The following RAB27A variants were observed in gnomAD, a reference collection of about 807,000 sequenced individuals.
RAB27A encodes RAB27A, member RAS oncogene family.
RAB27A carries 17 observed loss-of-function variants against 20.8 expected under a neutral mutation model. The ratio of observed to expected loss-of-function variants is 0.82; its 90% CI spans 0.56 to 1.23. The LOEUF is 1.23. RAB27A is among the 50% of genes most tolerant of loss of function. The pLI is 0.00. For missense variants in RAB27A, 277 were observed against 266.7 expected, an observed-to-expected ratio of 1.04 and a Z score of -0.27; for synonymous variants, 85 against 92.8, an observed-to-expected ratio of 0.92 and a Z score of 0.48.
rs1895786095 is a variant in RAB27A, at chr15:55,226,139, A to C, written c.344-2127T>G. Among the ~76,000 whole-genome samples the C allele has an allele frequency of 3.3e-5, 5 of 152,330 alleles. No homozygotes were observed. The South Asian group carries it at 1.0e-3, about 32-fold the overall frequency. ...AGTTTAGAAATGTAGGCTACTTTAA[A>C]GTTTCCTTAGGAAACACACTAGCAC... On this transcript the variant is annotated intron_variant, in intron 5 of 6. Transcript: ENST00000336787.
intron 2 of RAB27A, among the ~76,000 whole-genome samples, chr15:55,262,546 A>G (rs1897311465): frequency 1.7e-4 from 1 of 5,744 alleles, no homozygotes; most frequent in Non-Finnish European, 4.8e-4. Context: ...TGACTCAAAG[A>G]AAAAAAAAAA....
chr15:55,261,879 G>T (rs1335392715), intron 2 of RAB27A, among the ~76,000 whole-genome samples: 2 of 150,860 alleles, frequency 1.3e-5, no homozygotes, highest in Non-Finnish European at 3.0e-5. Flanking sequence ...CTCTACTAAA[G>T]ATACAAAATT....
Position 55,249,626 on chromosome 15 carries a change from G to C in RAB27A, c.-22-14670C>G, listed in dbSNP as rs74247117. ...TTCCACGATTATGTGAAAACAATCT[G>C]TACACCCTGTTAGTTGGATGCAAAA... On this transcript the variant is annotated intron_variant, in intron 2 of 6. Coordinates refer to ENST00000336787, the MANE Select transcript of RAB27A (RefSeq NM_183235.3). 3.9e-5 allele frequency among the ~76,000 whole-genome samples: 6 copies of C among 152,254 alleles called. No individual in the cohort carries two copies. The East Asian group carries it at 7.7e-4, about 20-fold the overall frequency.
chr15:55,219,095 A>T (rs911729410), intron 6 of RAB27A, among the ~76,000 whole-genome samples: 1 of 152,158 alleles, frequency 6.6e-6, no homozygotes, highest in African/African-American at 2.4e-5. Flanking sequence ...TCAAGAACAA[A>T]GGCTTATTAT....
intron 2 of RAB27A, among the ~76,000 whole-genome samples, chr15:55,253,283 C>T (rs547575257): frequency 2.0e-5 from 3 of 151,684 alleles, no homozygotes; most frequent in South Asian, 4.2e-4. Flanking sequence ...CCCATCTCTA[C>T]TAAAAATACA....
intron 6 of RAB27A, among the ~76,000 whole-genome samples, chr15:55,219,882 C>T (rs1895482820): frequency 6.6e-6 from 1 of 151,992 alleles, no homozygotes; most frequent in Non-Finnish European, 1.5e-5. Context: ...ACAGAGATCA[C>T]TTTGATTTGT....
chr15:55,249,827 T>A (rs964626141), intron 2 of RAB27A, among the ~76,000 whole-genome samples: 1 of 152,186 alleles, frequency 6.6e-6, no homozygotes. Context: ...TAAAGCATAA[T>A]AAAAGAACAA....
At chr15:55,295,445 G>A (rs924416517) in intron 2 of RAB27A, among the ~76,000 whole-genome samples, 1 of 152,134 alleles carries the variant, frequency 6.6e-6, no homozygotes, top group African/African-American at 2.4e-5. Flanking sequence ...CAGAACTGGA[G>A]ACAAATGGCC....
intron 5 of RAB27A, among the ~76,000 whole-genome samples, chr15:55,226,989 A>G (rs1215158158): frequency 2.0e-5 from 3 of 152,172 alleles, no homozygotes; most frequent in African/African-American, 7.2e-5. Context: ...TTAAGATTTG[A>G]TATTACCACT....
chr15:55,235,581 T>C (rs1006892125), intron 2 of RAB27A, among the ~76,000 whole-genome samples: 3 of 152,072 alleles, frequency 2.0e-5, no homozygotes, highest in Admixed American at 1.3e-4. Flanking sequence ...CTGTAGACCA[T>C]ATAGAACAAA....
chr15:55,227,102 A>C (rs1473251556), intron 5 of RAB27A, among the ~76,000 whole-genome samples: 1 of 152,200 alleles, frequency 6.6e-6, no homozygotes, highest in Non-Finnish European at 1.5e-5. Context: ...TTCTTTACCT[A>C]ACTGAGCAAT....
intron 5 of RAB27A, among the ~76,000 whole-genome samples, chr15:55,227,235 C>G (rs1363787622): frequency 6.6e-6 from 1 of 152,176 alleles, no homozygotes; most frequent in African/African-American, 2.4e-5. Context: ...TCTAATGTCT[C>G]AGAGTTTTAG....
intron 2 of RAB27A, among the ~76,000 whole-genome samples, chr15:55,303,940 C>T (rs1336094421): frequency 6.7e-6 from 1 of 148,910 alleles, no homozygotes; most frequent in Non-Finnish European, 1.5e-5. Flanking sequence ...CTCTGCCCGG[C>T]CACCACCCTG....
At chr15:55,241,133 A>G (rs916217117) in intron 2 of RAB27A, among the ~76,000 whole-genome samples, 7 of 152,214 alleles carry the variant, frequency 4.6e-5, no homozygotes, top group South Asian at 4.1e-4. Context: ...TCCTAGAAGT[A>G]TAAGAAAGTA....
rs937317821 is a variant in RAB27A at position 55,262,316 on chromosome 15, C to T, written c.-23+7849G>A. 4.6e-5 allele frequency among the ~76,000 whole-genome samples: 7 copies of T among 151,930 alleles called. No homozygotes were observed. In the South Asian group the frequency reaches 6.2e-4, roughly 14 times the overall value. Reference sequence around the variant, plus strand: ...TAGCAATTTGGGAGGCCAAGGTGGGCGAATCACAATGTCAGGAGATCCAGA... The same window carrying T: ...TAGCAATTTGGGAGGCCAAGGTGGGTGAATCACAATGTCAGGAGATCCAGA... On this transcript the variant is annotated intron_variant, in intron 2 of 6. Coordinates refer to ENST00000336787, the MANE Select transcript of RAB27A (RefSeq NM_183235.3).
chr15:55,214,237 C>A (rs202093140), intron 6 of RAB27A, among the ~76,000 whole-genome samples: 3 of 152,144 alleles, frequency 2.0e-5, no homozygotes, highest in Non-Finnish European at 2.9e-5. Context: ...GAGATCGAGA[C>A]CATCCTGGCT....
intron 2 of RAB27A, among the ~76,000 whole-genome samples, chr15:55,269,554 C>T (rs1489823936): frequency 2.0e-5 from 3 of 152,100 alleles, no homozygotes; most frequent in Non-Finnish European, 4.4e-5. Context: ...AGAAAGCAGG[C>T]TGGCCAACAT....
chr15:55,276,906 T>C (rs1019658347), intron 1 of RAB27A, among the ~76,000 whole-genome samples: 1 of 152,190 alleles, frequency 6.6e-6, no homozygotes, highest in African/African-American at 2.4e-5. Context: ...ATGGTGGCGA[T>C]GGTTTCATGG....
At chr15:55,276,041 T>C (rs1356147370) in intron 1 of RAB27A, among the ~76,000 whole-genome samples, 1 of 152,030 alleles carries the variant, frequency 6.6e-6, no homozygotes, top group East Asian at 1.9e-4. Flanking sequence ...ATTATGGAGC[T>C]TCTTTAAAAA....
Sources: gnomAD v4.1 joint callset for allele counts (sites outside exome capture counted in the v4.1 genomes callset) on GRCh38, gnomAD v4.1.1 for gene constraint, MANE v1.5 for transcripts, NCBI Gene and HGNC (gene_info 2026-07-23, HGNC 2026-07-21) for gene names.